The following MMP8 variants were observed in gnomAD, a reference collection of about 807,000 sequenced individuals.
The protein encoded by MMP8 is matrix metallopeptidase 8.
A neutral mutation model predicts 51.2 loss-of-function variants in MMP8; 67 were observed. The ratio of observed to expected loss-of-function variants is 1.31; its 90% CI spans 1.08 to 1.60. The LOEUF is 1.60. Among genes scored for constraint, MMP8 ranks in the 40% most tolerant of loss-of-function variants. The probability of loss-of-function intolerance (pLI) is 0.00; values close to 1 mark genes in which losing one functional copy is unlikely to be tolerated. For synonymous variants in MMP8, 225 were observed against 191.0 expected (o/e 1.18, Z -1.47); for missense variants, 654 against 558.1 (o/e 1.17, Z -1.73).
intron 4 of MMP8, 58 bp from the exon 5 acceptor site, chr11:102,718,633 A>G (rs1204483711): frequency 6.2e-7 from 1 of 1,602,048 alleles, no homozygotes; most frequent in Non-Finnish European, 8.5e-7. Flanking sequence ...TGGCAGAAAC[A>G]TGATCTCAAG....
In MMP8 at chr11:102,716,346, A is replaced by G. The variant is rs202056187; in HGVS notation, c.858T>C (p.Asp286=). 49 of 1,609,654 alleles carry G rather than the reference A, an allele frequency of 3.0e-5. No individual in the cohort carries two copies. Among genetic ancestry groups the G allele is most frequent in the Non-Finnish European group, 4.2e-5 (49 of 1,177,906 alleles). The change falls in exon 6 of 10, where the codon GAT becomes GAC. Residue 286 remains aspartate (D), a synonymous_variant. Coordinates refer to ENST00000236826, the MANE Select transcript of MMP8 (RefSeq NM_002424.3). ...TTTCTCCACGGAGTGTGGTGATAGC[A>G]TCAAATGTCAAACTGGGGTCACAGG... ...PKPCDPSLTF[D]AITTLRGEIL... is the part of the protein sequence containing the mutation.
chr11:102,715,484 C>T (rs1861265874), intron 6 of MMP8, 47 bp from the exon 7 acceptor site: 17 of 1,570,122 alleles, frequency 1.1e-5, no homozygotes, highest in Non-Finnish European at 1.5e-5. Context: ...ACATAACAGT[C>T]TAAGTAGGCA....
intron 5 of MMP8, among the ~76,000 whole-genome samples, chr11:102,717,417 C>T (rs947706957): frequency 3.9e-5 from 6 of 152,108 alleles, no homozygotes; most frequent in Admixed American, 2.0e-4. Context: ...TTGAAAAATG[C>T]CTTGCTTTGT....
Position 102,724,737 on chromosome 11 carries a change from A to G in MMP8, c.102+17T>C, listed in dbSNP as rs1396416126. 1 of 1,578,898 alleles carries G rather than the reference A, an allele frequency of 6.3e-7. No homozygotes were observed. The highest frequency in any genetic ancestry group is 1.7e-5 in the Admixed American group (1 of 57,384). On this transcript the variant is annotated intron_variant, in intron 1 of 9. Coordinates refer to ENST00000236826, the MANE Select transcript of MMP8 (RefSeq NM_002424.3). ...TAATCAGCAAATCAAACATCACCTA[A>G]CTGATAGTTCATTTACCTGAACAGT...
intron 2 of MMP8, among the ~76,000 whole-genome samples, chr11:102,722,184 C>T (rs1861492788): frequency 1.1e-5 from 1 of 91,536 alleles, no homozygotes; most frequent in Non-Finnish European, 2.1e-5. Flanking sequence ...AGAGAGACAG[C>T]CTAACATTGC....
At chr11:102,721,585 A>C (rs1861472695) in intron 3 of MMP8, 29 bp downstream of exon 3, 2 of 1,613,344 alleles carry the variant, frequency 1.2e-6, no homozygotes, top group Non-Finnish European at 1.7e-6. Context: ...CAAAGAAAGC[A>C]AAACTGAGCA....
At chr11:102,717,583 C>A (rs558466377) in intron 5 of MMP8, among the ~76,000 whole-genome samples, 1 of 152,294 alleles carries the variant, frequency 6.6e-6, no homozygotes, top group South Asian at 2.1e-4. Flanking sequence ...ATGTTTCTCA[C>A]TGCTGCACAT....
chr11:102,714,619 G>C lies in MMP8; in HGVS notation c.1127C>G (p.Ala376Gly), dbSNP rs752968761. The part of the protein sequence containing the change: ...SNYGFPSSVQ[A>G]IDAAVFYRSK... ...TCTGTAGAAAACAGCTGCGTCAATT[G>C]CTTGGACGCTGCTGGGGAAGCCATA... is the stretch of plus-strand genomic sequence containing the variant. The change falls in exon 8 of 10, where the codon GCA (alanine) becomes GGA (glycine). Residue 376 changes from alanine (A) to glycine (G), a missense_variant. Physicochemically the swap from Ala to Gly is moderately conservative, Grantham distance 60. Transcript: ENST00000236826. 1 of 1,532,120 alleles carries C rather than the reference G, an allele frequency of 6.5e-7. No individual in the cohort carries two copies. The highest frequency in any genetic ancestry group is 8.8e-7 in the Non-Finnish European group (1 of 1,141,222). The allele number at this position is 1,532,120 out of a possible 1,614,324, so 94.9% of individuals were successfully genotyped here.
chr11:102,714,651 T>C lies in MMP8; in HGVS notation c.1095A>G (p.Ile365Met). The C allele has an allele frequency of 6.4e-7, 1 of 1,556,552 alleles. No individual in the cohort carries two copies. Among genetic ancestry groups the C allele is most frequent in the Non-Finnish European group, 8.7e-7 (1 of 1,154,728 alleles). ...YDILQGYPKD[I>M]SNYGFPSSVQ... ...CGCTGCTGGGGAAGCCATAGTTTGA[T>C]ATATCCTTGGGATAACCTTGCAGAA... Residue 365 changes from isoleucine to methionine, a missense_variant, in exon 8 of 10, where the codon ATA becomes ATG. Physicochemically the swap from Ile to Met is conservative, Grantham distance 10. Transcript: ENST00000236826.
At chr11:102,720,444 C>T (rs1861434877) in intron 4 of MMP8, among the ~76,000 whole-genome samples, 1 of 152,142 alleles carries the variant, frequency 6.6e-6, no homozygotes, top group Non-Finnish European at 1.5e-5. Flanking sequence ...TCTTTGGCTA[C>T]ACACAGCTCC....
At position 102,716,434 on chromosome 11, in the gene MMP8, A is replaced by AG; in HGVS notation, c.785-16_785-15insC. Reference sequence around the variant, plus strand: ...GCTTGAAAGTCCTGGAAAAAAAAAAAAAAAAAAAAAAAAGGTCTTTCTTAT... The same window carrying AG: ...GCTTGAAAGTCCTGGAAAAAAAAAAAGAAAAAAAAAAAAAGGTCTTTCTTAT... On this transcript the variant is annotated splice_polypyrimidine_tract_variant and intron_variant, in intron 5 of 9. Coordinates refer to ENST00000236826, the MANE Select transcript of MMP8 (RefSeq NM_002424.3). 7.0e-7 allele frequency: 1 copy of AG among 1,435,304 alleles called. No homozygotes were observed. The highest frequency in any genetic ancestry group is 9.5e-7 in the Non-Finnish European group (1 of 1,051,822). 88.9% of individuals were successfully genotyped at this position (1,435,304 alleles called of 1,614,324 possible). A position where few individuals can be genotyped will look rare whatever the true frequency, so the allele number is the denominator to read the frequency against.
At chr11:102,721,853 A>G in intron 2 of MMP8, 91 bp from the exon 3 acceptor site, 3 of 1,445,874 alleles carry the variant, frequency 2.1e-6, no homozygotes, top group South Asian at 1.3e-5. Flanking sequence ...AGTGAGTTGC[A>G]TCATGGTGTG....
intron 1 of MMP8, 74 bp from the exon 2 acceptor site, chr11:102,722,747 C>G: frequency 1.3e-6 from 2 of 1,568,464 alleles, no homozygotes; most frequent in Non-Finnish European, 1.7e-6. Context: ...GCAACCCTTT[C>G]TAAGTTACTA....
At chr11:102,721,338 GTATTCTAA>G in intron 4 of MMP8, 55 bp downstream of exon 4, 4 of 1,397,732 alleles carry the variant, frequency 2.9e-6, no homozygotes, top group South Asian at 1.2e-5. Flanking sequence ...GTGTGTGTGT[GTATTCTAA>G]TCTGTAAAAG....
intron 4 of MMP8, among the ~76,000 whole-genome samples, chr11:102,720,609 C>T (rs966595257): frequency 2.6e-5 from 4 of 152,088 alleles, no homozygotes; most frequent in African/African-American, 9.7e-5. Flanking sequence ...TTGTGAAGTA[C>T]CACATGGTCT....
Position 102,713,321 on chromosome 11 carries a change from G to A in MMP8, c.*27C>T, listed in dbSNP as rs201841926. The stretch of plus-strand genomic sequence containing the variant: ...TGAACTTCCCTTCAACATTCTGAAA[G>A]TGGATACAGCCACATTTGATTTTGC... On this transcript the variant is annotated 3_prime_UTR_variant, in exon 10 of 10. Coordinates refer to ENST00000236826, the MANE Select transcript of MMP8 (RefSeq NM_002424.3). 1,602 of 1,493,046 alleles carry A rather than the reference G, an allele frequency of 1.1e-3. 7 individuals carry two copies. Among genetic ancestry groups the A allele is most frequent in the Non-Finnish European group, 1.2e-3 (1,276 of 1,070,864 alleles). The allele number at this position is 1,493,046 out of a possible 1,614,324, so 92.5% of individuals were successfully genotyped here.
rs3832755 is a variant in MMP8 at position 102,713,735 on chromosome 11, G to GT, written c.1294+18dup. The GT allele has an allele frequency of 0.52, 771,410 of 1,474,040 alleles. 187,300 individuals carry two copies. Among genetic ancestry groups the GT allele is most frequent in the African/African-American group, 0.62 (43,267 of 69,854 alleles). 91.3% of individuals were successfully genotyped at this position (1,474,040 alleles called of 1,614,324 possible). A position where few individuals can be genotyped will look rare whatever the true frequency, so the allele number is the denominator to read the frequency against. On this transcript the variant is annotated intron_variant, in intron 9 of 9. Coordinates refer to ENST00000236826, the MANE Select transcript of MMP8 (RefSeq NM_002424.3). ...AACAAACAAACAACACATTTATTAG[G>GT]TTTTTTTTTCCTACTTACGTTCTTG...
In MMP8 at chr11:102,724,805, A is replaced by G. The variant is rs1421279376; in HGVS notation, c.51T>C (p.Ile17=). 2 of 1,609,544 alleles carry G rather than the reference A, an allele frequency of 1.2e-6. No individual in the cohort carries two copies. Residue 17 remains isoleucine (I), a synonymous_variant, in exon 1 of 10, where the codon ATT becomes ATC. Coordinates refer to ENST00000236826, the MANE Select transcript of MMP8 (RefSeq NM_002424.3). ...TAGAAGATACAGGAAAGGCCTTGGAAATCTGCACATGGAGTAAGAGCAGAA... is the reference window on the plus strand; with the variant it reads ...TAGAAGATACAGGAAAGGCCTTGGAGATCTGCACATGGAGTAAGAGCAGAA... ...LPFLLLLHVQ[I]SKAFPVSSKE...
rs149350768 is a variant in MMP8 at position 102,715,556 on chromosome 11, G to A, written c.903-119C>T. On this transcript the variant is annotated intron_variant, in intron 6 of 9. Transcript: ENST00000236826. ...GGATTGCTGGGAGAATATAACAATC[G>A]AACGAATGCAAAGTTCCTAGCACAG... The A allele has an allele frequency of 1.3e-3, 1,703 of 1,327,266 alleles. 20 individuals carry two copies. The East Asian group carries it at 0.025, about 20-fold the overall frequency. 82.2% of individuals were successfully genotyped at this position (1,327,266 alleles called of 1,614,324 possible).
Sources: allele counts gnomAD v4.1 joint callset (sites outside exome capture counted in the v4.1 genomes callset), GRCh38; gene constraint gnomAD v4.1.1; transcripts MANE v1.5; gene names NCBI Gene and HGNC (gene_info 2026-07-23, HGNC 2026-07-21).